Variants in DTNBP1 observed in about 807,000 individuals in gnomAD.
The protein encoded by DTNBP1 is dystrobrevin binding protein 1, also known as dysbindin.
DTNBP1 carries 35 observed loss-of-function variants against 42.8 expected under a neutral mutation model. The observed-to-expected ratio is 0.82, with a 90% CI of 0.63 to 1.09. The LOEUF (loss-of-function observed/expected upper bound fraction) is 1.09. DTNBP1 is among the 50% of genes least tolerant of loss of function. DTNBP1 has a pLI of 0.00. For synonymous variants in DTNBP1, 171 were observed against 162.2 expected (o/e 1.05, Z -0.41); for missense variants, 457 against 424.2 (o/e 1.08, Z -0.68).
At chr6:15,601,859 A>C in intron 6 of DTNBP1, among the ~76,000 whole-genome samples, 1 of 128,364 alleles carries the variant, frequency 7.8e-6, no homozygotes, top group South Asian at 2.3e-4. Context: ...ATAAAAAAAG[A>C]AAAAGAAAAA....
chr6:15,541,457 C>T (rs1773556418), intron 7 of DTNBP1, among the ~76,000 whole-genome samples: 1 of 152,016 alleles, frequency 6.6e-6, no homozygotes, highest in Admixed American at 6.5e-5. Flanking sequence ...ATTAAGATGC[C>T]ATTTATTATA....
Position 15,563,777 on chromosome 6 carries a change from G to A in DTNBP1, c.511+29282C>T, listed in dbSNP as rs552639684. On this transcript the variant is annotated intron_variant, in intron 7 of 9. Coordinates refer to ENST00000344537, the MANE Select transcript of DTNBP1 (RefSeq NM_032122.5). ...AAAACCTTTAAGAATCCTAGCCCCA[G>A]CTGGGCGCAGTGGCTCACACCTACA... Among the ~76,000 whole-genome samples the A allele has an allele frequency of 5.9e-5, 9 of 152,316 alleles. 1 individual carries two copies. The South Asian group carries it at 1.9e-3, about 32-fold the overall frequency.
At position 15,637,810 on chromosome 6, in the gene DTNBP1, A is replaced by G. The variant is rs754558504; in HGVS notation, c.162-6T>C. ...CAGCCCATGTATCCTCATACCTAAAAAAAAGCAAAAAATAATTTGAAATGC... is the reference window on the plus strand; with the variant it reads ...CAGCCCATGTATCCTCATACCTAAAGAAAAGCAAAAAATAATTTGAAATGC... On this transcript the variant is annotated splice_polypyrimidine_tract_variant and splice_region_variant and intron_variant, in intron 3 of 9. Coordinates refer to ENST00000344537, the MANE Select transcript of DTNBP1 (RefSeq NM_032122.5). 6.2e-6 allele frequency: 10 copies of G among 1,612,210 alleles called. No homozygotes were observed. In the Admixed American group the frequency reaches 1.3e-4, roughly 21 times the overall value.
At chr6:15,569,957 G>A (rs779438443) in intron 7 of DTNBP1, among the ~76,000 whole-genome samples, 8 of 151,860 alleles carry the variant, frequency 5.3e-5, no homozygotes, top group Admixed American at 2.6e-4. Flanking sequence ...GAAGGTGTCC[G>A]CCCACCTCAC....
At chr6:15,619,594 G>A (rs1182083277) in intron 5 of DTNBP1, among the ~76,000 whole-genome samples, 6 of 152,018 alleles carry the variant, frequency 3.9e-5, no homozygotes, top group Admixed American at 3.9e-4. Flanking sequence ...AGCCTAAGAA[G>A]ACAAGATGAC....
intron 7 of DTNBP1, among the ~76,000 whole-genome samples, chr6:15,558,413 C>T (rs1019374677): frequency 1.3e-5 from 2 of 151,926 alleles, no homozygotes; most frequent in Non-Finnish European, 2.9e-5. Flanking sequence ...ACTATAGGCA[C>T]GTGCCACCAC....
intron 3 of DTNBP1, among the ~76,000 whole-genome samples, chr6:15,645,372 G>C (rs2113791856): frequency 1.3e-5 from 2 of 152,122 alleles, no homozygotes; most frequent in South Asian, 4.2e-4. Flanking sequence ...CAAAGAACTG[G>C]TACCAATCTT....
intron 3 of DTNBP1, among the ~76,000 whole-genome samples, chr6:15,644,996 A>G (rs1760593000): frequency 1.3e-5 from 2 of 151,952 alleles, no homozygotes; most frequent in African/African-American, 4.8e-5. Flanking sequence ...AAAAAGTTAG[A>G]TATTTGAAAA....
At chr6:15,621,738 C>G (rs569441693) in intron 5 of DTNBP1, among the ~76,000 whole-genome samples, 88 of 152,286 alleles carry the variant, frequency 5.8e-4, no homozygotes, top group Non-Finnish European at 9.4e-4. Flanking sequence ...TGGCCACAAA[C>G]TGTTTACTTC....
chr6:15,660,469 G>A (rs1383521141), intron 1 of DTNBP1: 1 of 1,289,676 alleles, frequency 7.8e-7, no homozygotes, highest in African/African-American at 1.5e-5. Context: ...TCCACCAGGT[G>A]ACAGGCTAAT....
chr6:15,589,875 T>C (rs1776223945), intron 7 of DTNBP1, among the ~76,000 whole-genome samples: 1 of 152,228 alleles, frequency 6.6e-6, no homozygotes, highest in South Asian at 2.1e-4. Context: ...TTCATTTTTT[T>C]CTACCATTCA....
Position 15,584,060 on chromosome 6 carries a change from G to A in DTNBP1, c.511+8999C>T, listed in dbSNP as rs558163854. Among the ~76,000 whole-genome samples the A allele has an allele frequency of 2.0e-5, 3 of 151,998 alleles. No individual in the cohort carries two copies. In the East Asian group the frequency reaches 5.8e-4, roughly 29 times the overall value. ...TCTTAGAGCCAAAATTAACAAACAG[G>A]ATATAAATATTTTGGTATTACAGGA... is the stretch of plus-strand genomic sequence containing the variant. On this transcript the variant is annotated intron_variant, in intron 7 of 9. Coordinates refer to ENST00000344537, the MANE Select transcript of DTNBP1 (RefSeq NM_032122.5).
chr6:15,623,228 A>G (rs73724447), intron 5 of DTNBP1, among the ~76,000 whole-genome samples: 39 of 152,322 alleles, frequency 2.6e-4, no homozygotes, highest in African/African-American at 9.4e-4. Flanking sequence ...TCCATGAAAA[A>G]CTGACAGAGC....
intron 1 of DTNBP1, among the ~76,000 whole-genome samples, chr6:15,659,842 G>A (rs1045638242): frequency 6.6e-6 from 1 of 151,848 alleles, no homozygotes; most frequent in Non-Finnish European, 1.5e-5. Flanking sequence ...GTGAGCCACC[G>A]CACCCAGCCA....
In DTNBP1 at chr6:15,662,813, C is replaced by T; in HGVS notation, c.56+1G>A. ...CTTTTCGTCGCCCACCGTATACCCACCCGGAGGTGAAATCCTGCTGCACGC... is the reference window on the plus strand; with the variant it reads ...CTTTTCGTCGCCCACCGTATACCCATCCGGAGGTGAAATCCTGCTGCACGC... On this transcript the variant is annotated splice_donor_variant, in intron 1 of 9. Transcript: ENST00000344537. LOFTEE classifies it high-confidence loss of function. 1 of 1,611,982 alleles carries T rather than the reference C, an allele frequency of 6.2e-7. No homozygotes were observed. The highest frequency in any genetic ancestry group is 8.5e-7 in the Non-Finnish European group (1 of 1,179,540).
Position 15,532,697 on chromosome 6 carries a change from C to CTTTTTT in DTNBP1, c.667+537_667+542dup, listed in dbSNP as rs373480713. Among the ~76,000 whole-genome samples the CTTTTTT allele has an allele frequency of 4.7e-4, 44 of 93,118 alleles. 3 individuals carry two copies. The highest frequency in any genetic ancestry group is 1.3e-3 in the African/African-American group (30 of 22,398). 61.1% of individuals were successfully genotyped at this position (93,118 alleles called of 152,430 possible). A position where few individuals can be genotyped will look rare whatever the true frequency, so the allele number is the denominator to read the frequency against. ...TAGAAGCATAATTTGTGTTTGTAAT[C>CTTTTTT]TTTTTTTTTTTTTTTTTTTTTTGAG... On this transcript the variant is annotated intron_variant, in intron 8 of 9. Coordinates refer to ENST00000344537, the MANE Select transcript of DTNBP1 (RefSeq NM_032122.5).
At position 15,522,822 on chromosome 6, in the gene DTNBP1, CTTTA is replaced by C; in HGVS notation, c.*149_*152del. On this transcript the variant is annotated 3_prime_UTR_variant, in exon 10 of 10. Coordinates refer to ENST00000344537, the MANE Select transcript of DTNBP1 (RefSeq NM_032122.5). ...GCGCTCTCAGTTTACCGTCCTCACA[CTTTA>C]TTGTTAGCTGTTCTTTAAGTTTCTC... 7.3e-7 allele frequency: 1 copy of C among 1,375,406 alleles called. No individual in the cohort carries two copies. The highest frequency in any genetic ancestry group is 1.8e-5 in the Admixed American group (1 of 56,420). 85.2% of individuals were successfully genotyped at this position (1,375,406 alleles called of 1,614,324 possible).
At chr6:15,634,186 T>TAATCATA (rs1759862950) in intron 4 of DTNBP1, among the ~76,000 whole-genome samples, 1 of 129,016 alleles carries the variant, frequency 7.8e-6, no homozygotes, top group Non-Finnish European at 1.7e-5. Flanking sequence ...GATTAATCAT[T>TAATCATA]TAAAAATATT....
At chr6:15,565,348 A>C (rs1775023020) in intron 7 of DTNBP1, among the ~76,000 whole-genome samples, 2 of 152,254 alleles carry the variant, frequency 1.3e-5, no homozygotes, top group East Asian at 3.8e-4. Context: ...ACGCAAGAGG[A>C]TGAAAACATG....
Sources: allele counts gnomAD v4.1 joint callset (sites outside exome capture counted in the v4.1 genomes callset), GRCh38; gene constraint gnomAD v4.1.1; transcripts MANE v1.5; gene names NCBI Gene and HGNC (gene_info 2026-07-23, HGNC 2026-07-21).